Variants in CFDP1 observed in about 807,000 individuals in gnomAD.
The protein encoded by CFDP1 is heterochromatin-stabilizing protein CFDP1.
CFDP1 carries 31 observed loss-of-function variants against 40.1 expected under a neutral mutation model. That is an observed-to-expected ratio of 0.77 (90% CI 0.58 to 1.04). The LOEUF is 1.04. CFDP1 is among the 50% of genes least tolerant of loss of function. The pLI is 0.00. For missense variants in CFDP1, 423 were observed against 343.4 expected (o/e 1.23, Z -1.83); for synonymous variants, 167 against 120.0 (o/e 1.39, Z -2.56).
chr16:75,342,447 T>G (rs1420407951), intron 5 of CFDP1, among the ~76,000 whole-genome samples: 1 of 152,236 alleles, frequency 6.6e-6, no homozygotes, highest in Non-Finnish European at 1.5e-5. Flanking sequence ...TTGTTTTCTT[T>G]ACCAGCTGAC....
intron 5 of CFDP1, among the ~76,000 whole-genome samples, chr16:75,314,841 T>G (rs1322033341): frequency 6.6e-6 from 1 of 152,112 alleles, no homozygotes; most frequent in African/African-American, 2.4e-5. Flanking sequence ...CAACGCTGCC[T>G]CCTGGATTCA....
chr16:75,376,824 A>C (rs1450207902), intron 5 of CFDP1, among the ~76,000 whole-genome samples: 1 of 152,224 alleles, frequency 6.6e-6, no homozygotes, highest in Non-Finnish European at 1.5e-5. Context: ...AACACCTGAG[A>C]GTTACCGCCC....
chr16:75,330,080 C>A (rs564984283), intron 5 of CFDP1, among the ~76,000 whole-genome samples: 1 of 152,326 alleles, frequency 6.6e-6, no homozygotes, highest in African/African-American at 2.4e-5. Context: ...TCTCAGGGAA[C>A]AGAGTCCCAA....
chr16:75,373,832 T>A (rs1184117059), intron 5 of CFDP1, among the ~76,000 whole-genome samples: 2 of 152,150 alleles, frequency 1.3e-5, no homozygotes, highest in East Asian at 3.8e-4. Flanking sequence ...GCATTTCCAT[T>A]TGAGAAAAAA....
intron 5 of CFDP1, among the ~76,000 whole-genome samples, chr16:75,379,008 A>C (rs1416092241): frequency 6.6e-6 from 1 of 152,110 alleles, no homozygotes; most frequent in Non-Finnish European, 1.5e-5. Context: ...ATGGGTCAAA[A>C]AGAAAGTCTC....
At chr16:75,411,730 G>A (rs1389064347) in intron 4 of CFDP1, 95 bp downstream of exon 4, 1 of 1,237,660 alleles carries the variant, frequency 8.1e-7, no homozygotes, top group Non-Finnish European at 1.1e-6. Context: ...AAAATATTAT[G>A]ATGGATTGAA....
At chr16:75,397,204 G>C (rs1417861192) in intron 4 of CFDP1, among the ~76,000 whole-genome samples, 1 of 151,500 alleles carries the variant, frequency 6.6e-6, no homozygotes, top group South Asian at 2.1e-4. Flanking sequence ...GTGAGCCACT[G>C]CGCCCAGCGT....
At chr16:75,303,271 C>G (rs898050606) in intron 6 of CFDP1, among the ~76,000 whole-genome samples, 3 of 151,778 alleles carry the variant, frequency 2.0e-5, no homozygotes, top group Admixed American at 6.6e-5. Flanking sequence ...GAGGCTGAGG[C>G]AGGAGAATCG....
chr16:75,297,984 T>C (rs1440870476), intron 6 of CFDP1, among the ~76,000 whole-genome samples: 3 of 152,182 alleles, frequency 2.0e-5, no homozygotes, highest in Non-Finnish European at 4.4e-5. Context: ...CCAGAAACTT[T>C]TAAAGCACTG....
intron 5 of CFDP1, among the ~76,000 whole-genome samples, chr16:75,332,283 G>A (rs1276489238): frequency 1.3e-5 from 2 of 152,042 alleles, no homozygotes; most frequent in Non-Finnish European, 2.9e-5. Flanking sequence ...TGGACAATAT[G>A]GTGAAACCCC....
Position 75,412,518 on chromosome 16 carries a change from C to T in CFDP1, c.402+17G>A, listed in dbSNP as rs763772337. Reference sequence around the variant, plus strand: ...TATTTCTGGAGAGGCATTCACCTCACTAATGTCTCAACTTACCTTAACTTG... The same window carrying T: ...TATTTCTGGAGAGGCATTCACCTCATTAATGTCTCAACTTACCTTAACTTG... On this transcript the variant is annotated intron_variant, in intron 3 of 6. Coordinates refer to ENST00000283882, the MANE Select transcript of CFDP1 (RefSeq NM_006324.3). 1.9e-6 allele frequency: 3 copies of T among 1,594,096 alleles called. No individual in the cohort carries two copies. The highest frequency in any genetic ancestry group is 3.3e-5 in the Admixed American group (2 of 59,980).
intron 4 of CFDP1, among the ~76,000 whole-genome samples, chr16:75,404,099 T>A (rs12051111): frequency 0.52 from 78,367 of 151,028 alleles, 21,384 homozygotes; most frequent in Admixed American, 0.64. Context: ...ACCACTGCAC[T>A]CCAGCCTGGG....
chr16:75,383,142 A>G (rs1403148035), intron 5 of CFDP1, among the ~76,000 whole-genome samples: 2 of 152,218 alleles, frequency 1.3e-5, no homozygotes, highest in African/African-American at 2.4e-5. Flanking sequence ...TAAATTTATC[A>G]TAGGTTTGCT....
chr16:75,427,164 AAAG>A (rs746448293), intron 1 of CFDP1, among the ~76,000 whole-genome samples: 12 of 152,228 alleles, frequency 7.9e-5, no homozygotes, highest in African/African-American at 2.9e-4. Context: ...AAGACACACC[AAAG>A]AAGATAAAAT....
At chr16:75,355,674 TG>T (rs2078640305) in intron 5 of CFDP1, among the ~76,000 whole-genome samples, 2 of 152,172 alleles carry the variant, frequency 1.3e-5, no homozygotes, top group African/African-American at 4.8e-5. Context: ...AACTGAATCA[TG>T]GGGGCAGTTC....
intron 5 of CFDP1, among the ~76,000 whole-genome samples, chr16:75,361,387 C>T (rs1164233795): frequency 6.6e-6 from 1 of 152,136 alleles, no homozygotes; most frequent in Non-Finnish European, 1.5e-5. Flanking sequence ...GAGGCCGAGG[C>T]AGGTGGATCA....
chr16:75,381,735 T>A (rs1346819091), intron 5 of CFDP1, among the ~76,000 whole-genome samples: 1 of 151,854 alleles, frequency 6.6e-6, no homozygotes, highest in Non-Finnish European at 1.5e-5. Context: ...AGTTGTGGAG[T>A]CAAGGGGATT....
chr16:75,309,997 A>C (rs2078285661), intron 5 of CFDP1, among the ~76,000 whole-genome samples: 1 of 152,146 alleles, frequency 6.6e-6, no homozygotes, highest in Non-Finnish European at 1.5e-5. Flanking sequence ...CACCTGTTGC[A>C]AGTCAAAGTT....
chr16:75,408,496 T>C (rs1703892507), intron 4 of CFDP1, among the ~76,000 whole-genome samples: 2 of 151,866 alleles, frequency 1.3e-5, no homozygotes, highest in African/African-American at 4.8e-5. Flanking sequence ...ATATAAACAG[T>C]GGGCCAGGTG....
Sources: gnomAD v4.1 joint callset for allele counts (sites outside exome capture counted in the v4.1 genomes callset) on GRCh38, gnomAD v4.1.1 for gene constraint, MANE v1.5 for transcripts, NCBI Gene and HGNC (gene_info 2026-07-23, HGNC 2026-07-21) for gene names.